MAST4: variants seen among roughly 807,000 people sequenced by gnomAD.
MAST4 encodes the protein microtubule-associated serine/threonine-protein kinase 4.
A neutral mutation model predicts 162.7 loss-of-function variants in MAST4; 89 were observed. The observed-to-expected ratio is 0.55, with a 90% CI of 0.46 to 0.65. The LOEUF (loss-of-function observed/expected upper bound fraction) is 0.65. Ranked by LOEUF, MAST4 falls within the 30% of genes least tolerant of loss-of-function variation. MAST4 has a pLI of 0.00. For missense variants in MAST4, 3,153 were observed against 3,374.0 expected (o/e 0.93, Z 1.62); for synonymous variants, 1,479 against 1,361.1 (o/e 1.09, Z -1.91).
In MAST4 at chr5:67,164,158, A is replaced by AG; in HGVS notation, c.4984dup (p.Glu1662GlyfsTer16). The AG allele has an allele frequency of 6.2e-7, 1 of 1,609,354 alleles. No homozygotes were observed. The highest frequency in any genetic ancestry group is 1.1e-5 in the South Asian group (1 of 90,062). The stretch of plus-strand genomic sequence containing the variant: ...TCCCTCGACAGGGGCATCTCTGGGA[A>AG]GGGGGAAGGCACGGAGAAGTCCTCC... On this transcript the variant is annotated frameshift_variant, in exon 29 of 29. Transcript: ENST00000403625. LOFTEE classifies it low-confidence loss of function (END_TRUNC). This position sits in a 1 kb window ranked among gnomAD's most constrained non-coding sequence, Gnocchi z 5.3.
In MAST4 at chr5:66,784,832, C is replaced by T. The variant is rs371350673; in HGVS notation, c.518-3838C>T. 9.2e-5 allele frequency among the ~76,000 whole-genome samples: 14 copies of T among 152,100 alleles called. No homozygotes were observed. In the East Asian group the frequency reaches 2.5e-3, roughly 27 times the overall value. On this transcript the variant is annotated intron_variant, in intron 2 of 28. Transcript: ENST00000403625. Reference sequence around the variant, plus strand: ...TATTATCTCCTTTCATCTTATCTGCCACTTTGTAAGGTATTATCCCCCTTT... The same window carrying T: ...TATTATCTCCTTTCATCTTATCTGCTACTTTGTAAGGTATTATCCCCCTTT...
rs764080702 is a variant in MAST4, at chr5:67,163,249, A to G, written c.4070A>G (p.Lys1357Arg). The change falls in exon 29 of 29, where the codon AAA becomes AGA. Residue 1357 changes from lysine to arginine, a missense_variant. By Grantham distance (26) the Lys-to-Arg change is conservative. This residue lies in a region of MAST4 where 619 missense variants were observed against 744.2 expected (regional missense o/e 0.83). Transcript: ENST00000403625. This position sits in a 1 kb window ranked among gnomAD's most constrained non-coding sequence, Gnocchi z 7.0. ...RPSTLHGLAP[K>R]LGGQRYRSGR... The stretch of plus-strand genomic sequence containing the variant: ...AGCACTCTCCACGGTCTTGCACCCA[A>G]ACTCGGCGGGCAGCGGTACCGGTCC... 6.2e-7 allele frequency: 1 copy of G among 1,613,678 alleles called. No homozygotes were observed. The highest frequency in any genetic ancestry group is 1.1e-5 in the South Asian group (1 of 91,078).
At chr5:66,788,610 T>C in intron 2 of MAST4, 60 bp from the exon 3 acceptor site, 2 of 489,480 alleles carry the variant, frequency 4.1e-6, no homozygotes, top group Non-Finnish European at 7.4e-6. Flanking sequence ...CCACCCCCAT[T>C]GCAATAAGAC....
At chr5:66,932,826 A>G (rs1394655448) in intron 4 of MAST4, among the ~76,000 whole-genome samples, 1 of 152,186 alleles carries the variant, frequency 6.6e-6, no homozygotes, top group African/African-American at 2.4e-5. Flanking sequence ...ATTTTCTTTG[A>G]CAAACCATGA....
At chr5:67,089,839 A>G (rs1763636135) in intron 5 of MAST4, among the ~76,000 whole-genome samples, 1 of 152,108 alleles carries the variant, frequency 6.6e-6, no homozygotes, top group South Asian at 2.1e-4. Context: ...CACAACCAAG[A>G]CTTGTATATA....
rs1749811937 is a variant in MAST4, at chr5:66,989,120, G to A, written c.675-65284G>A. 2.0e-5 allele frequency among the ~76,000 whole-genome samples: 3 copies of A among 152,256 alleles called. No individual in the cohort carries two copies. The South Asian group carries it at 6.2e-4, about 32-fold the overall frequency. ...TTTTAGAGGAAAAAAAGGTAATGTG[G>A]GATGTTGGTGTGTTTTAATTTGTTT... On this transcript the variant is annotated intron_variant, in intron 4 of 28. Coordinates refer to ENST00000403625, the MANE Select transcript of MAST4 (RefSeq NM_001164664.2).
chr5:66,942,152 C>T (rs148068220), intron 4 of MAST4, among the ~76,000 whole-genome samples: 1 of 152,074 alleles, frequency 6.6e-6, no homozygotes, highest in African/African-American at 2.4e-5. Flanking sequence ...TAGATTTGCT[C>T]TATGCAGGGT....
chr5:67,050,612 A>C (rs1334748947), intron 4 of MAST4, among the ~76,000 whole-genome samples: 3 of 152,190 alleles, frequency 2.0e-5, no homozygotes, highest in African/African-American at 7.2e-5. Context: ...GTACCAGATA[A>C]ATGAAGTAAA....
intron 4 of MAST4, among the ~76,000 whole-genome samples, chr5:66,957,403 T>C (rs1745448089): frequency 6.6e-6 from 1 of 152,154 alleles, no homozygotes; most frequent in Non-Finnish European, 1.5e-5. Flanking sequence ...TCAAAACTGC[T>C]GGACTCAAAC....
chr5:66,823,791 G>A (rs543352085), intron 3 of MAST4, among the ~76,000 whole-genome samples: 2 of 152,202 alleles, frequency 1.3e-5, no homozygotes, highest in Admixed American at 6.5e-5. Flanking sequence ...CATGGTGCCC[G>A]GCCGGCCATT....
intron 3 of MAST4, among the ~76,000 whole-genome samples, chr5:66,883,702 C>G (rs972381174): frequency 6.6e-6 from 1 of 152,172 alleles, no homozygotes; most frequent in Non-Finnish European, 1.5e-5. Context: ...GCTGGGATTA[C>G]AGGCATGAGC....
intron 3 of MAST4, among the ~76,000 whole-genome samples, chr5:66,824,158 A>G (rs538899826): frequency 6.6e-6 from 1 of 152,220 alleles, no homozygotes; most frequent in Non-Finnish European, 1.5e-5. Context: ...CGGAATATTT[A>G]CTTTATGGCT....
chr5:67,074,471 G>A (rs1015217734), intron 5 of MAST4, among the ~76,000 whole-genome samples: 4 of 152,038 alleles, frequency 2.6e-5, no homozygotes, highest in Non-Finnish European at 4.4e-5. Context: ...AATCAGAAAA[G>A]TACTCAAATG....
chr5:66,749,994 G>A (rs541534623), intron 1 of MAST4, among the ~76,000 whole-genome samples: 3 of 151,844 alleles, frequency 2.0e-5, no homozygotes, highest in South Asian at 4.2e-4. Flanking sequence ...TGGCAGGGAT[G>A]AGAGAGAGAG....
At chr5:67,149,062 A>G (rs1331256321) in intron 23 of MAST4, among the ~76,000 whole-genome samples, 1 of 152,150 alleles carries the variant, frequency 6.6e-6, no homozygotes, top group African/African-American at 2.4e-5. Flanking sequence ...GGGGCACCAG[A>G]ATTATCTCTG....
At chr5:66,623,509 C>G (rs944484606) in intron 1 of MAST4, among the ~76,000 whole-genome samples, 2 of 152,164 alleles carry the variant, frequency 1.3e-5, no homozygotes, top group Non-Finnish European at 2.9e-5. Context: ...TGATATGCCA[C>G]ATTCACAGCA....
At chr5:67,130,883 C>A (rs1424029141) in intron 15 of MAST4, among the ~76,000 whole-genome samples, 1 of 151,842 alleles carries the variant, frequency 6.6e-6, no homozygotes, top group Non-Finnish European at 1.5e-5. Flanking sequence ...TTTTTTCTTT[C>A]TTTAAGAGGT....
At position 67,166,663 on chromosome 5, in the gene MAST4, C is replaced by CA. The variant is rs1267768483; in HGVS notation, c.7485dup (p.Ala2496SerfsTer8). 1.9e-6 allele frequency: 3 copies of CA among 1,597,214 alleles called. No individual in the cohort carries two copies. Among genetic ancestry groups the CA allele is most frequent in the Admixed American group, 1.7e-5 (1 of 57,546 alleles). ...GCCGCCGGGGGCATGCTGGAGCTTC[C>CA]AGCCCCCAGCAACAGGGACCATAGG... On this transcript the variant is annotated frameshift_variant, in exon 29 of 29. Coordinates refer to ENST00000403625, the MANE Select transcript of MAST4 (RefSeq NM_001164664.2). LOFTEE classifies it low-confidence loss of function (END_TRUNC).
intron 3 of MAST4, among the ~76,000 whole-genome samples, chr5:66,814,470 G>A (rs1756627682): frequency 6.6e-6 from 1 of 152,062 alleles, no homozygotes; most frequent in African/African-American, 2.4e-5. Context: ...CTCATTCAGA[G>A]CATCACCTTC....
Sources: allele counts gnomAD v4.1 joint callset (sites outside exome capture counted in the v4.1 genomes callset), GRCh38; gene constraint gnomAD v4.1.1; regional missense constraint gnomAD v4.1.1; non-coding constraint Gnocchi (gnomAD v3.1); transcripts MANE v1.5; gene names NCBI Gene and HGNC (gene_info 2026-07-23, HGNC 2026-07-21).